ADAM23: variants seen among roughly 807,000 people sequenced by gnomAD.
ADAM23 encodes the protein disintegrin and metalloproteinase domain-containing protein 23.
A neutral mutation model predicts 120.1 loss-of-function variants in ADAM23; 33 were observed. That is an observed-to-expected ratio of 0.27 (90% CI 0.21 to 0.37). The LOEUF (loss-of-function observed/expected upper bound fraction) is 0.37. Among genes scored for constraint, ADAM23 ranks in the 10% least tolerant of loss-of-function variants. The pLI, the probability that ADAM23 is intolerant of heterozygous loss-of-function variation, is 1.00. For missense variants in ADAM23, 862 were observed against 1,058.2 expected, an observed-to-expected ratio of 0.81 and a Z score of 2.57; for synonymous variants, 367 against 375.2, an observed-to-expected ratio of 0.98 and a Z score of 0.25.
chr2:206,489,393 A>G (rs374277118), intron 3 of ADAM23, among the ~76,000 whole-genome samples: 95 of 152,258 alleles, frequency 6.2e-4, no homozygotes, highest in African/African-American at 2.1e-3. Context: ...CAAGACTTCC[A>G]ATTTCACCTC....
intron 3 of ADAM23, among the ~76,000 whole-genome samples, chr2:206,501,838 C>G (rs1186472773): frequency 6.6e-6 from 1 of 152,036 alleles, no homozygotes; most frequent in Non-Finnish European, 1.5e-5. Flanking sequence ...AATACCTACC[C>G]ATTATTAAAT....
At chr2:206,560,764 C>T (rs1014975320) in intron 11 of ADAM23, among the ~76,000 whole-genome samples, 6 of 152,124 alleles carry the variant, frequency 3.9e-5, no homozygotes, top group Non-Finnish European at 8.8e-5. Flanking sequence ...CGTTGACTTC[C>T]TGTTTTTTCA....
intron 3 of ADAM23, among the ~76,000 whole-genome samples, chr2:206,487,623 G>C (rs115015782): frequency 6.6e-6 from 1 of 152,212 alleles, no homozygotes. Flanking sequence ...TGACTGGTCC[G>C]AGGTGAACAC....
intron 3 of ADAM23, among the ~76,000 whole-genome samples, chr2:206,496,359 G>A (rs913088180): frequency 3.9e-5 from 6 of 151,986 alleles, no homozygotes; most frequent in African/African-American, 1.2e-4. Flanking sequence ...ACTCAAAACC[G>A]CTCAACTACA....
chr2:206,522,160 T>C (rs1696857294), intron 3 of ADAM23, among the ~76,000 whole-genome samples: 1 of 151,888 alleles, frequency 6.6e-6, no homozygotes. Context: ...TATATATATC[T>C]CTGTGTACAT....
intron 10 of ADAM23, among the ~76,000 whole-genome samples, chr2:206,558,915 A>G (rs1697700764): frequency 6.8e-6 from 1 of 147,580 alleles, no homozygotes; most frequent in Non-Finnish European, 1.5e-5. Flanking sequence ...AAGATCATCC[A>G]TTGGTTTTTG....
At chr2:206,559,722 C>T (rs2105821059) in intron 10 of ADAM23, among the ~76,000 whole-genome samples, 1 of 152,264 alleles carries the variant, frequency 6.6e-6, no homozygotes, top group Middle Eastern at 3.4e-3. Flanking sequence ...GAATGTATTG[C>T]TCTGGGATCG....
At chr2:206,558,902 TCAAAGATCATC>T (rs1697700215) in intron 10 of ADAM23, among the ~76,000 whole-genome samples, 1 of 151,800 alleles carries the variant, frequency 6.6e-6, no homozygotes, top group Non-Finnish European at 1.5e-5. Context: ...TTCAGTGTGT[TCAAAGATCATC>T]CATTGGTTTT....
chr2:206,544,484 A>G (rs1697354692), intron 6 of ADAM23, among the ~76,000 whole-genome samples: 1 of 152,208 alleles, frequency 6.6e-6, no homozygotes, highest in African/African-American at 2.4e-5. Flanking sequence ...ACAGAGATTG[A>G]GCCAAATGGG....
intron 3 of ADAM23, among the ~76,000 whole-genome samples, chr2:206,485,781 C>G (rs1317365167): frequency 1.3e-5 from 2 of 152,106 alleles, no homozygotes; most frequent in Non-Finnish European, 2.9e-5. Flanking sequence ...AGTGGGCCAC[C>G]ACATAAAGAC....
At position 206,618,410 on chromosome 2, in the gene ADAM23, C is replaced by T. The variant is rs1698976743; in HGVS notation, c.*783C>T. The T allele has an allele frequency of 6.6e-6, 1 of 152,170 alleles. No homozygotes were observed. The highest frequency in any genetic ancestry group is 2.1e-4 in the South Asian group (1 of 4,822). 9.4% of individuals were successfully genotyped at this position (152,170 alleles called of 1,614,324 possible). Reference sequence around the variant, plus strand: ...GGGAGCTGGAATTTGAACAATGATGCTATTGTATAGTTCTTTTATAAATGT... The same window carrying T: ...GGGAGCTGGAATTTGAACAATGATGTTATTGTATAGTTCTTTTATAAATGT... On this transcript the variant is annotated 3_prime_UTR_variant, in exon 26 of 26. Coordinates refer to ENST00000264377, the MANE Select transcript of ADAM23 (RefSeq NM_003812.4).
chr2:206,535,045 A>G (rs1210555725), intron 4 of ADAM23, among the ~76,000 whole-genome samples: 2 of 149,962 alleles, frequency 1.3e-5, no homozygotes, highest in African/African-American at 2.5e-5. Flanking sequence ...TACTGTGGCC[A>G]CCCACATGTG....
intron 2 of ADAM23, among the ~76,000 whole-genome samples, chr2:206,447,722 T>G (rs1327533934): frequency 6.6e-6 from 1 of 152,256 alleles, no homozygotes; most frequent in African/African-American, 2.4e-5. Flanking sequence ...TCTGCTTTTA[T>G]GTAAAGAAGT....
chr2:206,514,553 G>A (rs1254763066), intron 3 of ADAM23, among the ~76,000 whole-genome samples: 1 of 152,202 alleles, frequency 6.6e-6, no homozygotes, highest in Non-Finnish European at 1.5e-5. Context: ...TGAAGTTGCT[G>A]TGAACATTGT....
chr2:206,610,353 C>G (rs540874529), intron 25 of ADAM23, among the ~76,000 whole-genome samples: 13 of 152,290 alleles, frequency 8.5e-5, no homozygotes, highest in African/African-American at 2.6e-4. Context: ...ATGTAAATTG[C>G]TTGTATCTGT....
chr2:206,603,922 T>C (rs543732458), intron 24 of ADAM23, among the ~76,000 whole-genome samples: 6 of 151,494 alleles, frequency 4.0e-5, no homozygotes, highest in African/African-American at 1.5e-4. Flanking sequence ...AGGACTGTCA[T>C]GTATTGCAGC....
chr2:206,477,525 T>C (rs1695798094), intron 2 of ADAM23, among the ~76,000 whole-genome samples: 1 of 152,270 alleles, frequency 6.6e-6, no homozygotes, highest in East Asian at 1.9e-4. Flanking sequence ...AGTGCTATTA[T>C]AGTGAATGTC....
intron 9 of ADAM23, among the ~76,000 whole-genome samples, chr2:206,552,568 A>G (rs1222074628): frequency 6.6e-6 from 1 of 152,132 alleles, no homozygotes; most frequent in Non-Finnish European, 1.5e-5. Flanking sequence ...ACACCATGTC[A>G]CATGTTCTGT....
At chr2:206,456,190 A>G (rs894282332) in intron 2 of ADAM23, among the ~76,000 whole-genome samples, 1 of 152,152 alleles carries the variant, frequency 6.6e-6, no homozygotes, top group Non-Finnish European at 1.5e-5. Context: ...GAAACTTATC[A>G]TGGCAGAAGG....
Sources: allele counts gnomAD v4.1 joint callset (sites outside exome capture counted in the v4.1 genomes callset), GRCh38; gene constraint gnomAD v4.1.1; transcripts MANE v1.5; gene names NCBI Gene and HGNC (gene_info 2026-07-23, HGNC 2026-07-21).